The following PARD3B variants were observed in gnomAD, a reference collection of about 807,000 sequenced individuals.
PARD3B encodes the protein par-3 family cell polarity regulator beta.
In PARD3B, 103 loss-of-function variants were observed where a neutral mutation model predicts 130.2. The ratio of observed to expected loss-of-function variants is 0.79; its 90% CI spans 0.67 to 0.93. The LOEUF (loss-of-function observed/expected upper bound fraction) is 0.93. Ranked by LOEUF, PARD3B falls within the 40% of genes least tolerant of loss-of-function variation. The pLI, the probability that PARD3B is intolerant of heterozygous loss-of-function variation, is 0.00. For missense variants in PARD3B, 1,609 were observed against 1,499.2 expected (o/e 1.07, Z -1.21); for synonymous variants, 583 against 553.2 (o/e 1.05, Z -0.76).
chr2:204,717,226 A>G (rs2038774134), intron 2 of PARD3B, among the ~76,000 whole-genome samples: 1 of 152,232 alleles, frequency 6.6e-6, no homozygotes, highest in Non-Finnish European at 1.5e-5. Context: ...ATAGATTTAG[A>G]GAAACCTGAG....
chr2:204,899,994 TC>T lies in PARD3B; in HGVS notation c.223-65157del, dbSNP rs765924015. ...AGTCTACTGCCAGACCTATTGGACTTCGTTTGTGTATTATTTCCTTTCACTT... is the reference window on the plus strand; with the variant it reads ...AGTCTACTGCCAGACCTATTGGACTTGTTTGTGTATTATTTCCTTTCACTT... On this transcript the variant is annotated intron_variant, in intron 2 of 22. Transcript: ENST00000406610. Among the ~76,000 whole-genome samples the T allele has an allele frequency of 1.5e-4, 23 of 152,260 alleles. No individual in the cohort carries two copies. The East Asian group carries it at 2.9e-3, about 19-fold the overall frequency.
At chr2:205,432,869 C>T (rs976362494) in intron 19 of PARD3B, among the ~76,000 whole-genome samples, 91 of 152,110 alleles carry the variant, frequency 6.0e-4, no homozygotes, top group African/African-American at 2.1e-3. Context: ...CATATTTTTT[C>T]ATAAAGTACC....
At position 205,590,572 on chromosome 2, in the gene PARD3B, G is replaced by T. The variant is rs996483200; in HGVS notation, c.3261-24884G>T. Among the ~76,000 whole-genome samples, 6 of 152,196 alleles carry T rather than the reference G, an allele frequency of 3.9e-5. No homozygotes were observed. The highest frequency in any genetic ancestry group is 1.4e-4 in the African/African-American group (6 of 41,458). Reference sequence around the variant, plus strand: ...ATGCCCCTCTGGAGTCCAGAGTGGAGTCATTCCACCTGAACCACATGGACT... The same window carrying T: ...ATGCCCCTCTGGAGTCCAGAGTGGATTCATTCCACCTGAACCACATGGACT... On this transcript the variant is annotated intron_variant, in intron 22 of 22. Coordinates refer to ENST00000406610, the MANE Select transcript of PARD3B (RefSeq NM_001302769.2). The surrounding 1 kb of genome is among the most constrained non-coding windows in gnomAD (Gnocchi z 4.1).
chr2:205,376,305 C>T (rs570628174), intron 18 of PARD3B, among the ~76,000 whole-genome samples: 12 of 152,080 alleles, frequency 7.9e-5, no homozygotes, highest in Non-Finnish European at 1.2e-4. Flanking sequence ...AGTAATGGGT[C>T]GGAGGATACT....
chr2:204,823,429 T>G (rs934476056), intron 2 of PARD3B, among the ~76,000 whole-genome samples: 7 of 152,068 alleles, frequency 4.6e-5, no homozygotes, highest in Admixed American at 3.3e-4. Context: ...GTATTACATG[T>G]ACTATGGTAA....
chr2:204,545,585 C>G lies in PARD3B; in HGVS notation c.-415C>G, dbSNP rs1257936754. ...CGCCGCCGCCGCCCACTCCAGCCCC[C>G]GGCTTGGGGCCGGCCCTGCCAACGC... On this transcript the variant is annotated 5_prime_UTR_variant, in exon 1 of 23. Transcript: ENST00000406610. Among the ~76,000 whole-genome samples the G allele has an allele frequency of 6.6e-6, 1 of 152,044 alleles. No individual in the cohort carries two copies. Among genetic ancestry groups the G allele is most frequent in the Admixed American group, 6.5e-5 (1 of 15,272 alleles).
chr2:205,234,212 T>C (rs1426354838), intron 15 of PARD3B, among the ~76,000 whole-genome samples: 1 of 152,192 alleles, frequency 6.6e-6, no homozygotes. Flanking sequence ...CCCAGCACTT[T>C]GGGAGGCTGA....
chr2:205,188,704 T>C (rs558104933), intron 14 of PARD3B, among the ~76,000 whole-genome samples: 1 of 148,786 alleles, frequency 6.7e-6, no homozygotes, highest in African/African-American at 2.5e-5. Flanking sequence ...GGGTTGGATG[T>C]GTGAAACTTG....
chr2:204,573,991 A>G (rs2032131797), intron 1 of PARD3B, among the ~76,000 whole-genome samples: 1 of 152,174 alleles, frequency 6.6e-6, no homozygotes, highest in Non-Finnish European at 1.5e-5. Context: ...TTGGCCAGCT[A>G]GGTAGGCATT....
chr2:205,080,807 A>T (rs1425718216), intron 4 of PARD3B, among the ~76,000 whole-genome samples: 1 of 152,012 alleles, frequency 6.6e-6, no homozygotes, highest in Non-Finnish European at 1.5e-5. Flanking sequence ...TGCCTTTTTC[A>T]TTTTAGCTAT....
chr2:205,489,263 C>T (rs942544567), intron 20 of PARD3B, among the ~76,000 whole-genome samples: 1 of 151,954 alleles, frequency 6.6e-6, no homozygotes, highest in African/African-American at 2.4e-5. Flanking sequence ...TTACACATAA[C>T]TTTGAAGTGT....
chr2:205,309,310 C>G lies in PARD3B; in HGVS notation c.2630+7609C>G, dbSNP rs183241479. ...GATATTCTTTATTGTTTCTTCTCAACTCAGATAATGCAAGCATACCTCAAA... is the reference window on the plus strand; with the variant it reads ...GATATTCTTTATTGTTTCTTCTCAAGTCAGATAATGCAAGCATACCTCAAA... On this transcript the variant is annotated intron_variant, in intron 18 of 22. Coordinates refer to ENST00000406610, the MANE Select transcript of PARD3B (RefSeq NM_001302769.2). This position sits in a 1 kb window ranked among gnomAD's most constrained non-coding sequence, Gnocchi z 4.7. Among the ~76,000 whole-genome samples the G allele has an allele frequency of 8.3e-3, 1,264 of 152,252 alleles. 12 individuals carry two copies. Among genetic ancestry groups the G allele is most frequent in the African/African-American group, 0.029 (1,215 of 41,534 alleles).
At chr2:204,637,460 A>T (rs753085137) in intron 1 of PARD3B, among the ~76,000 whole-genome samples, 106 of 152,276 alleles carry the variant, frequency 7.0e-4, no homozygotes, top group Non-Finnish European at 1.2e-3. Flanking sequence ...AATAATACAT[A>T]ATGTCTGAGA....
rs1416169359 is a variant in PARD3B at position 205,585,589 on chromosome 2, G to A, written c.3261-29867G>A. Among the ~76,000 whole-genome samples the A allele has an allele frequency of 6.6e-6, 1 of 152,170 alleles. No individual in the cohort carries two copies. The highest frequency in any genetic ancestry group is 2.4e-5 in the African/African-American group (1 of 41,448). Reference sequence around the variant, plus strand: ...TGCAGGTCACTTCTCCAGGCAGGGAGTAATTGATATCCCCAGCTCTCCTAA... The same window carrying A: ...TGCAGGTCACTTCTCCAGGCAGGGAATAATTGATATCCCCAGCTCTCCTAA... On this transcript the variant is annotated intron_variant, in intron 22 of 22. Coordinates refer to ENST00000406610, the MANE Select transcript of PARD3B (RefSeq NM_001302769.2). This position sits in a 1 kb window ranked among gnomAD's most constrained non-coding sequence, Gnocchi z 5.4.
chr2:205,401,602 G>A lies in PARD3B; in HGVS notation c.2741+479G>A, dbSNP rs111460699. Among the ~76,000 whole-genome samples the A allele has an allele frequency of 3.2e-3, 490 of 152,270 alleles. 1 individual carries two copies. The highest frequency in any genetic ancestry group is 5.2e-3 in the Non-Finnish European group (353 of 68,026). On this transcript the variant is annotated intron_variant, in intron 19 of 22. Coordinates refer to ENST00000406610, the MANE Select transcript of PARD3B (RefSeq NM_001302769.2). ...TCTTTTATTAGGCTATCAGCAAGCT[G>A]AAGAGTATGTTGCCCATCTGTTAAA...
At chr2:205,379,987 G>A (rs2045250605) in intron 18 of PARD3B, among the ~76,000 whole-genome samples, 1 of 147,408 alleles carries the variant, frequency 6.8e-6, no homozygotes. Flanking sequence ...AGAATTGCTT[G>A]AACCCAGAAG....
intron 20 of PARD3B, among the ~76,000 whole-genome samples, chr2:205,466,072 A>T (rs1439662623): frequency 6.6e-6 from 1 of 152,154 alleles, no homozygotes; most frequent in Non-Finnish European, 1.5e-5. Context: ...TAAAATGCAG[A>T]TTTTGATGCC....
chr2:204,974,848 T>G (rs1692008943), intron 3 of PARD3B, among the ~76,000 whole-genome samples: 1 of 152,192 alleles, frequency 6.6e-6, no homozygotes, highest in Non-Finnish European at 1.5e-5. Context: ...TGTCACTCCC[T>G]TCAGTTAATC....
At chr2:205,195,018 C>G (rs1196669294) in intron 15 of PARD3B, among the ~76,000 whole-genome samples, 1 of 142,540 alleles carries the variant, frequency 7.0e-6, no homozygotes, top group African/African-American at 2.6e-5. Flanking sequence ...GGGGTGTTCT[C>G]GAACTCCTGA....
Sources: gnomAD v4.1 joint callset for allele counts (sites outside exome capture counted in the v4.1 genomes callset) on GRCh38, gnomAD v4.1.1 for gene constraint, Gnocchi (gnomAD v3.1) non-coding constraint, MANE v1.5 for transcripts, NCBI Gene and HGNC (gene_info 2026-07-23, HGNC 2026-07-21) for gene names.